MFSD8: variants seen among roughly 807,000 people sequenced by gnomAD.
The protein encoded by MFSD8 is major facilitator superfamily domain-containing protein 8.
MFSD8 carries 55 observed loss-of-function variants against 66.4 expected under a neutral mutation model. That is an observed-to-expected ratio of 0.83 (90% CI 0.67 to 1.04). The LOEUF (loss-of-function observed/expected upper bound fraction) is 1.04, where lower values mean the gene tolerates loss of function less well. Ranked by LOEUF, MFSD8 falls within the 50% of genes least tolerant of loss-of-function variation. The probability of loss-of-function intolerance (pLI) is 0.00; values close to 1 mark genes in which losing one functional copy is unlikely to be tolerated. For synonymous variants in MFSD8, 202 were observed against 212.8 expected (o/e 0.95, Z 0.44); for missense variants, 550 against 627.6 (o/e 0.88, Z 1.32).
intron 2 of MFSD8, 101 bp from the exon 3 acceptor site, chr4:127,949,948 C>A: frequency 1.9e-6 from 2 of 1,068,948 alleles, no homozygotes; most frequent in South Asian, 1.6e-5. Flanking sequence ...ATATTCTGAA[C>A]CTAAAATCTA....
chr4:127,939,911 C>T lies in MFSD8; in HGVS notation c.640G>A (p.Val214Ile). 3.7e-6 allele frequency: 6 copies of T among 1,613,546 alleles called. No homozygotes were observed. Among genetic ancestry groups the T allele is most frequent in the South Asian group, 2.2e-5 (2 of 91,050 alleles). ...ATTCCCAGGAAGGCGCTAAGTAAAACTGGTGTTGTATACATGTTTATCTGC... is the reference window on the plus strand; with the variant it reads ...ATTCCCAGGAAGGCGCTAAGTAAAATTGGTGTTGTATACATGTTTATCTGC... Reference protein sequence around the residue: ...KLQINMYTTPVLLSAFLGILN... With the variant: ...KLQINMYTTPILLSAFLGILN... Residue 214 changes from valine to isoleucine, a missense_variant, in exon 6 of 12, where the codon GTT (valine) becomes ATT (isoleucine). By Grantham distance (29) the Val-to-Ile change is conservative. Transcript: ENST00000641686.
In MFSD8 at chr4:127,930,077, CA is replaced by C. The variant is rs376843364; in HGVS notation, c.998+605del. ...GCAACATAGTGAGATAATATCTCTA[CA>C]AAAAATAAAAATAAAAGAAATTAGC... is the stretch of plus-strand genomic sequence containing the variant. On this transcript the variant is annotated intron_variant, in intron 9 of 11. Transcript: ENST00000641686. 2.6e-3 allele frequency among the ~76,000 whole-genome samples: 399 copies of C among 152,084 alleles called. 2 individuals carry two copies. The highest frequency in any genetic ancestry group is 9.2e-3 in the African/African-American group (383 of 41,486).
chr4:127,932,713 T>C (rs1738360684), intron 8 of MFSD8: 1 of 303,774 alleles, frequency 3.3e-6, no homozygotes, highest in Non-Finnish European at 6.2e-6. Flanking sequence ...GTTTTATAAC[T>C]GTATTTATCA....
At chr4:127,951,949 C>CA (rs1053041884) in intron 2 of MFSD8, among the ~76,000 whole-genome samples, 12 of 151,902 alleles carry the variant, frequency 7.9e-5, no homozygotes, top group African/African-American at 2.9e-4. Flanking sequence ...AGGATGGTCT[C>CA]AATCTCCTGA....
At chr4:127,958,547 A>C (rs957781953) in intron 1 of MFSD8, among the ~76,000 whole-genome samples, 2 of 152,210 alleles carry the variant, frequency 1.3e-5, no homozygotes, top group East Asian at 3.8e-4. Context: ...TATGCCAAAC[A>C]TATTAGTTCC....
At chr4:127,960,568 G>A (rs1743578775) in intron 1 of MFSD8, among the ~76,000 whole-genome samples, 1 of 152,002 alleles carries the variant, frequency 6.6e-6, no homozygotes. Context: ...AGAAAGAAGT[G>A]TGTGCTCAGT....
At chr4:127,931,452 G>T (rs1738111411) in intron 8 of MFSD8, among the ~76,000 whole-genome samples, 1 of 152,146 alleles carries the variant, frequency 6.6e-6, no homozygotes, top group African/African-American at 2.4e-5. Context: ...CCATCTCCTG[G>T]GTTCAAGCAA....
At chr4:127,923,343 T>A (rs963913930) in intron 9 of MFSD8, among the ~76,000 whole-genome samples, 1 of 152,060 alleles carries the variant, frequency 6.6e-6, no homozygotes. Flanking sequence ...TGAAGGAGTG[T>A]TGAATTTTAT....
At chr4:127,946,770 C>T (rs1279540349) in intron 3 of MFSD8, among the ~76,000 whole-genome samples, 1 of 151,944 alleles carries the variant, frequency 6.6e-6, no homozygotes, top group Non-Finnish European at 1.5e-5. Flanking sequence ...CAAAAATTAG[C>T]TGGGCGTGGT....
intron 3 of MFSD8, among the ~76,000 whole-genome samples, chr4:127,945,894 ATG>A (rs1044471869): frequency 1.3e-5 from 2 of 151,194 alleles, no homozygotes; most frequent in African/African-American, 4.9e-5. Flanking sequence ...TTAATGTTAA[ATG>A]TGTAGTGGTT....
intron 9 of MFSD8, among the ~76,000 whole-genome samples, chr4:127,930,180 C>T (rs1454662418): frequency 6.6e-6 from 1 of 151,942 alleles, no homozygotes. Flanking sequence ...CATCAGGCTG[C>T]ACTGAGCCAT....
chr4:127,964,888 G>A, intron 1 of MFSD8, 184 bp downstream of exon 1: 2 of 718,818 alleles, frequency 2.8e-6, no homozygotes, highest in Non-Finnish European at 4.8e-6. Flanking sequence ...GCACGGTGCG[G>A]CCAGACGCCC....
chr4:127,943,921 A>G lies in MFSD8; in HGVS notation c.270T>C (p.Ala90=), dbSNP rs754809138. The G allele has an allele frequency of 6.2e-7, 1 of 1,614,186 alleles. No individual in the cohort carries two copies. ...TAGACCATAAACCAAATATAGGTGAAGCTACCATTTGGCCAAGACTATATG... is the reference window on the plus strand; with the variant it reads ...TAGACCATAAACCAAATATAGGTGAGGCTACCATTTGGCCAAGACTATATG... The part of the protein sequence containing the change: ...IASYSLGQMV[A]SPIFGLWSNY... The change falls in exon 4 of 12, where the codon GCT becomes GCC. Residue 90 remains alanine, a synonymous_variant. Transcript: ENST00000641686.
Position 127,920,156 on chromosome 4 carries a change from A to G in MFSD8, c.*474T>C, listed in dbSNP as rs1341164273. On this transcript the variant is annotated 3_prime_UTR_variant, in exon 12 of 12. Transcript: ENST00000641686. Reference sequence around the variant, plus strand: ...TCATAAGTGAACTTGATAATAGAAAATGCATTTTTTTATAAATAAAAAGTA... The same window carrying G: ...TCATAAGTGAACTTGATAATAGAAAGTGCATTTTTTTATAAATAAAAAGTA... The G allele has an allele frequency of 1.3e-5, 2 of 158,922 alleles. No individual in the cohort carries two copies. Among genetic ancestry groups the G allele is most frequent in the Non-Finnish European group, 2.8e-5 (2 of 72,156 alleles). 9.8% of individuals were successfully genotyped at this position (158,922 alleles called of 1,614,324 possible).
chr4:127,943,125 G>A (rs1306134133), intron 4 of MFSD8, among the ~76,000 whole-genome samples: 1 of 151,894 alleles, frequency 6.6e-6, no homozygotes. Context: ...GCTGAGGCAG[G>A]AGAATTGCTT....
intron 7 of MFSD8, chr4:127,934,597 G>A (rs545829293): frequency 6.9e-6 from 1 of 144,068 alleles, no homozygotes; most frequent in African/African-American, 2.7e-5. Context: ...TTTTTGGCGG[G>A]GGGGACGGAG....
At chr4:127,937,180 G>T (rs1363341013) in intron 7 of MFSD8, among the ~76,000 whole-genome samples, 1 of 152,080 alleles carries the variant, frequency 6.6e-6, no homozygotes, top group Non-Finnish European at 1.5e-5. Flanking sequence ...GTTTCACTGG[G>T]TGACTCATAA....
In MFSD8 at chr4:127,963,733, G is replaced by A. The variant is rs575514375; in HGVS notation, c.62+1339C>T. On this transcript the variant is annotated intron_variant, in intron 1 of 11. Transcript: ENST00000641686. The stretch of plus-strand genomic sequence containing the variant: ...AGAGTGAGCAGTAGCAAGATTTATC[G>A]CAAAGAGCGAAAAAACAAAGCTTCC... Among the ~76,000 whole-genome samples the A allele has an allele frequency of 3.3e-5, 5 of 152,258 alleles. No individual in the cohort carries two copies. The South Asian group carries it at 1.0e-3, about 32-fold the overall frequency.
At chr4:127,956,678 G>A (rs1244224242) in intron 2 of MFSD8, among the ~76,000 whole-genome samples, 4 of 151,674 alleles carry the variant, frequency 2.6e-5, no homozygotes, top group Admixed American at 2.6e-4. Context: ...ATTAGCCAGG[G>A]GTGGTGGCAC....
Sources: gnomAD v4.1 joint callset for allele counts (sites outside exome capture counted in the v4.1 genomes callset) on GRCh38, gnomAD v4.1.1 for gene constraint, MANE v1.5 for transcripts, NCBI Gene and HGNC (gene_info 2026-07-23, HGNC 2026-07-21) for gene names.